Variants in RXRA observed in about 807,000 individuals in gnomAD.
The protein encoded by RXRA is retinoid X receptor alpha.
In RXRA, 5 loss-of-function variants were observed where a neutral mutation model predicts 44.5. That is an observed-to-expected ratio of 0.11 (90% CI 0.06 to 0.24). The LOEUF (loss-of-function observed/expected upper bound fraction) is 0.24. RXRA is among the 10% of genes least tolerant of loss of function. The pLI, the probability that RXRA is intolerant of heterozygous loss-of-function variation, is 1.00. For synonymous variants in RXRA, 291 were observed against 271.4 expected (o/e 1.07, Z -0.71); for missense variants, 412 against 646.5 (o/e 0.64, Z 3.93).
At chr9:134,414,288 G>A (rs541713653) in intron 4 of RXRA, among the ~76,000 whole-genome samples, 4 of 152,354 alleles carry the variant, frequency 2.6e-5, no homozygotes, top group East Asian at 1.9e-4. Context: ...AAGGCCCCTC[G>A]CTCAGGGCCA....
At chr9:134,384,552 A>G (rs1368891650) in intron 1 of RXRA, among the ~76,000 whole-genome samples, 2 of 152,028 alleles carry the variant, frequency 1.3e-5, no homozygotes, top group Non-Finnish European at 2.9e-5. Flanking sequence ...GAGGGAAGGG[A>G]CCTGCCCTGG....
rs372179825 is a variant in RXRA, at chr9:134,423,538, C to G, written c.910+1733C>G. ...TGTATAGGGCCTGGCGCCGTCGCCACCCTCCTGGAAGGACTCTTCTGGCCA... is the reference window on the plus strand; with the variant it reads ...TGTATAGGGCCTGGCGCCGTCGCCAGCCTCCTGGAAGGACTCTTCTGGCCA... On this transcript the variant is annotated intron_variant, in intron 6 of 9. Coordinates refer to ENST00000481739, the MANE Select transcript of RXRA (RefSeq NM_002957.6). The G allele has an allele frequency of 8.1e-6, 8 of 985,246 alleles. No individual in the cohort carries two copies. In the South Asian group the frequency reaches 2.4e-4, roughly 29 times the overall value. The allele number at this position is 985,246 out of a possible 1,614,324, so 61.0% of individuals were successfully genotyped here.
rs1405243539 is a variant in RXRA, at chr9:134,432,558, C to T, written c.1135+562C>T. ...GGCCCTTCTCCAGCCTCTGGGTTCT[C>T]GGCTTGAAAAGCCTCCTAGGTGCTA... On this transcript the variant is annotated intron_variant, in intron 8 of 9. Coordinates refer to ENST00000481739, the MANE Select transcript of RXRA (RefSeq NM_002957.6). Among the ~76,000 whole-genome samples the T allele has an allele frequency of 6.6e-5, 10 of 152,224 alleles. No individual in the cohort carries two copies. In the East Asian group the frequency reaches 1.5e-3, roughly 23 times the overall value.
chr9:134,401,889 G>T lies in RXRA; in HGVS notation c.279+7G>T. 6.3e-7 allele frequency: 1 copy of T among 1,597,330 alleles called. No individual in the cohort carries two copies. Among genetic ancestry groups the T allele is most frequent in the South Asian group, 1.1e-5 (1 of 90,104 alleles). Reference sequence around the variant, plus strand: ...CAGCACTGGCAGCCCCCAGGTGAGTGCGGGGCTGGGGCAAGGGGAGGGGGT... The same window carrying T: ...CAGCACTGGCAGCCCCCAGGTGAGTTCGGGGCTGGGGCAAGGGGAGGGGGT... On this transcript the variant is annotated splice_region_variant and intron_variant, in intron 2 of 9. Transcript: ENST00000481739.
chr9:134,341,389 G>A (rs781815822), intron 1 of RXRA, among the ~76,000 whole-genome samples: 42 of 152,268 alleles, frequency 2.8e-4, no homozygotes, highest in Non-Finnish European at 4.9e-4. Context: ...AGGGTGGGGG[G>A]ACATTCCTCC....
At chr9:134,361,635 A>G (rs1212554685) in intron 1 of RXRA, among the ~76,000 whole-genome samples, 1 of 152,156 alleles carries the variant, frequency 6.6e-6, no homozygotes, top group Non-Finnish European at 1.5e-5. Context: ...GCTGGTAATG[A>G]GCTTTTTCAT....
chr9:134,338,670 C>T (rs1322815316), intron 1 of RXRA, among the ~76,000 whole-genome samples: 2 of 152,210 alleles, frequency 1.3e-5, no homozygotes, highest in South Asian at 2.1e-4. Context: ...GCAGCCTGGA[C>T]GTGGCTGATA....
At chr9:134,354,681 C>T (rs1342148229) in intron 1 of RXRA, among the ~76,000 whole-genome samples, 4 of 152,246 alleles carry the variant, frequency 2.6e-5, no homozygotes, top group Non-Finnish European at 5.9e-5. Context: ...AGGGTTCCTC[C>T]TGCAGCTGTG....
intron 1 of RXRA, among the ~76,000 whole-genome samples, chr9:134,395,106 C>A (rs369906163): frequency 1.3e-5 from 2 of 152,196 alleles, no homozygotes; most frequent in African/African-American, 4.8e-5. Flanking sequence ...GCTGGGACAC[C>A]GTGGGCTCTC....
Position 134,436,488 on chromosome 9 carries a change from C to T in RXRA, c.1263C>T (p.Arg421=). 1 of 1,614,144 alleles carries T rather than the reference C, an allele frequency of 6.2e-7. No individual in the cohort carries two copies. The highest frequency in any genetic ancestry group is 8.5e-7 in the Non-Finnish European group (1 of 1,180,032). Residue 421 remains arginine (R), a synonymous_variant, in exon 10 of 10, where the codon CGC becomes CGT. Transcript: ENST00000481739. ...GCAGGTTCGCTAAGCTCTTGCTCCG[C>T]CTGCCGGCTCTGCGCTCCATCGGGC... is the stretch of plus-strand genomic sequence containing the variant. ...QPGRFAKLLL[R]LPALRSIGLK...
chr9:134,410,876 G>A (rs572483229), intron 4 of RXRA, among the ~76,000 whole-genome samples: 54 of 152,344 alleles, frequency 3.5e-4, no homozygotes, highest in African/African-American at 1.2e-3. Flanking sequence ...GCCTGGCCTG[G>A]GCCTGCAGCA....
At chr9:134,386,982 T>C (rs957130260) in intron 1 of RXRA, among the ~76,000 whole-genome samples, 7 of 152,234 alleles carry the variant, frequency 4.6e-5, no homozygotes, top group African/African-American at 1.7e-4. Context: ...CCCGTCTTCC[T>C]GGGCCCAGCG....
chr9:134,402,157 G>C, intron 2 of RXRA: 1 of 512,890 alleles, frequency 1.9e-6, no homozygotes, highest in Non-Finnish European at 3.5e-6. Context: ...CGGAGGGCTC[G>C]GGACTCCCTG....
At chr9:134,331,225 C>T (rs372565917) in intron 1 of RXRA, among the ~76,000 whole-genome samples, 3 of 152,318 alleles carry the variant, frequency 2.0e-5, no homozygotes, top group East Asian at 3.9e-4. Context: ...CACACCCACC[C>T]GAGCCTGGTG....
At chr9:134,344,759 C>T (rs947786162) in intron 1 of RXRA, among the ~76,000 whole-genome samples, 31 of 152,232 alleles carry the variant, frequency 2.0e-4, no homozygotes, top group African/African-American at 7.0e-4. Context: ...TAGCAACCAG[C>T]TTCCCACTCT....
intron 4 of RXRA, among the ~76,000 whole-genome samples, chr9:134,415,947 T>A (rs1022633015): frequency 1.1e-4 from 16 of 152,218 alleles, no homozygotes; most frequent in African/African-American, 3.9e-4. Context: ...CATAGTTTTC[T>A]CACCGGTACA....
At chr9:134,359,309 C>G (rs1830321221) in intron 1 of RXRA, among the ~76,000 whole-genome samples, 1 of 152,130 alleles carries the variant, frequency 6.6e-6, no homozygotes, top group African/African-American at 2.4e-5. Context: ...CCGCCGGCGG[C>G]TCTGAAGTGG....
At chr9:134,368,429 G>A (rs771290771) in intron 1 of RXRA, among the ~76,000 whole-genome samples, 2 of 152,252 alleles carry the variant, frequency 1.3e-5, no homozygotes, top group East Asian at 3.9e-4. Context: ...TGTGGTGTTC[G>A]GAGATGCGCC....
At chr9:134,362,242 C>T (rs1830361119) in intron 1 of RXRA, among the ~76,000 whole-genome samples, 1 of 152,184 alleles carries the variant, frequency 6.6e-6, no homozygotes, top group African/African-American at 2.4e-5. Flanking sequence ...CAGTGGCTCC[C>T]CTGTGCCCCT....
Sources: gnomAD v4.1 joint callset for allele counts (sites outside exome capture counted in the v4.1 genomes callset) on GRCh38, gnomAD v4.1.1 for gene constraint, MANE v1.5 for transcripts, NCBI Gene and HGNC (gene_info 2026-07-23, HGNC 2026-07-21) for gene names.